The following MEI4 variants were observed in gnomAD, a reference collection of about 807,000 sequenced individuals.
MEI4 encodes the protein meiosis-specific protein MEI4.
MEI4 carries 27 observed loss-of-function variants against 31.4 expected under a neutral mutation model. The ratio of observed to expected loss-of-function variants is 0.86; its 90% CI spans 0.63 to 1.19. The LOEUF is 1.19. MEI4 is among the 50% of genes most tolerant of loss of function. MEI4 has a pLI of 0.00. For missense variants in MEI4, 329 were observed against 398.9 expected, an observed-to-expected ratio of 0.82 and a Z score of 1.49; for synonymous variants, 122 against 145.4, an observed-to-expected ratio of 0.84 and a Z score of 1.16.
chr6:77,702,395 G>A (rs1256644642), intron 2 of MEI4, among the ~76,000 whole-genome samples: 4 of 152,182 alleles, frequency 2.6e-5, no homozygotes, highest in Non-Finnish European at 5.9e-5. Context: ...AATATAAATT[G>A]TCTAATACAA....
intron 2 of MEI4, among the ~76,000 whole-genome samples, chr6:77,749,851 G>A (rs1394587787): frequency 6.6e-6 from 1 of 152,172 alleles, no homozygotes; most frequent in East Asian, 1.9e-4. Context: ...GGGAAAAAAT[G>A]TTAAGGGCAG....
intron 1 of MEI4, among the ~76,000 whole-genome samples, chr6:77,686,253 T>G (rs1372500266): frequency 1.3e-5 from 2 of 152,126 alleles, no homozygotes; most frequent in Non-Finnish European, 2.9e-5. Context: ...TTTATTGCAG[T>G]GCAAAATGGA....
At chr6:77,743,835 C>G (rs189293777) in intron 2 of MEI4, among the ~76,000 whole-genome samples, 1 of 152,190 alleles carries the variant, frequency 6.6e-6, no homozygotes, top group Non-Finnish European at 1.5e-5. Flanking sequence ...ATGCAGCCAC[C>G]GCTGCTGATA....
intron 4 of MEI4, among the ~76,000 whole-genome samples, chr6:77,850,256 G>T (rs1191691695): frequency 6.6e-6 from 1 of 152,080 alleles, no homozygotes; most frequent in Non-Finnish European, 1.5e-5. Context: ...AGCTACCAAT[G>T]ACTTTCTTCA....
chr6:77,841,866 A>T (rs1770374665), intron 4 of MEI4, among the ~76,000 whole-genome samples: 1 of 152,152 alleles, frequency 6.6e-6, no homozygotes, highest in African/African-American at 2.4e-5. Flanking sequence ...ATAATGAGAA[A>T]AGTGTCCATT....
intron 4 of MEI4, among the ~76,000 whole-genome samples, chr6:77,892,272 G>GC (rs1765979399): frequency 1.3e-5 from 2 of 152,164 alleles, no homozygotes; most frequent in Non-Finnish European, 2.9e-5. Context: ...CCTTTCCTCA[G>GC]GCTTCCCTGT....
intron 3 of MEI4, among the ~76,000 whole-genome samples, chr6:77,786,234 A>G (rs1339150604): frequency 1.3e-5 from 2 of 152,004 alleles, no homozygotes; most frequent in Admixed American, 1.3e-4. Context: ...ATATATATCA[A>G]ATTTTGAGTG....
intron 1 of MEI4, among the ~76,000 whole-genome samples, chr6:77,689,478 A>G (rs1362350113): frequency 6.6e-6 from 1 of 152,008 alleles, no homozygotes; most frequent in Admixed American, 6.6e-5. Context: ...GTGCCAAATT[A>G]CAGGATATCA....
intron 4 of MEI4, among the ~76,000 whole-genome samples, chr6:77,852,195 A>G (rs182222595): frequency 4.6e-5 from 7 of 152,320 alleles, no homozygotes; most frequent in Non-Finnish European, 1.0e-4. Flanking sequence ...TTAGAGGGTC[A>G]TGGGACGTGG....
At chr6:77,712,439 A>C (rs1225692635) in intron 2 of MEI4, among the ~76,000 whole-genome samples, 4 of 152,170 alleles carry the variant, frequency 2.6e-5, no homozygotes, top group Non-Finnish European at 5.9e-5. Flanking sequence ...ACTTTATGGC[A>C]TGAATATCAT....
At chr6:77,702,821 AT>A (rs1294284164) in intron 2 of MEI4, among the ~76,000 whole-genome samples, 1 of 152,100 alleles carries the variant, frequency 6.6e-6, no homozygotes, top group Admixed American at 6.6e-5. Context: ...TCTTCCACTT[AT>A]TTGAATGGAC....
intron 3 of MEI4, among the ~76,000 whole-genome samples, chr6:77,792,733 G>T (rs1462366205): frequency 2.0e-5 from 3 of 147,842 alleles, no homozygotes; most frequent in Admixed American, 2.0e-4. Context: ...TTTTTTTTTA[G>T]ACGGAGTCTC....
Position 77,853,266 on chromosome 6 carries a change from T to C in MEI4, c.900+24204T>C, listed in dbSNP as rs976529413. Among the ~76,000 whole-genome samples, 3 of 152,144 alleles carry C rather than the reference T, an allele frequency of 2.0e-5. No individual in the cohort carries two copies. In the East Asian group the frequency reaches 5.8e-4, roughly 29 times the overall value. On this transcript the variant is annotated intron_variant, in intron 4 of 4. Transcript: ENST00000684080. ...CATGGTTTTCTAATACCTAGAGCAT[T>C]GTGCCCTAGTGCATTATAGCTCATA...
At chr6:77,764,567 TAAAG>T (rs1197515148) in intron 3 of MEI4, among the ~76,000 whole-genome samples, 2 of 152,170 alleles carry the variant, frequency 1.3e-5, no homozygotes, top group Admixed American at 6.6e-5. Context: ...GAAAAATCAA[TAAAG>T]AAACAGCTGA....
chr6:77,913,068 T>C (rs1766466546), intron 4 of MEI4, among the ~76,000 whole-genome samples: 1 of 152,174 alleles, frequency 6.6e-6, no homozygotes, highest in South Asian at 2.1e-4. Context: ...ATTGAGATGA[T>C]CACATGGGTT....
intron 4 of MEI4, among the ~76,000 whole-genome samples, chr6:77,840,457 G>C (rs1309420399): frequency 1.3e-5 from 2 of 152,086 alleles, no homozygotes; most frequent in African/African-American, 4.8e-5. Context: ...ATGGTCAAAG[G>C]CTTTACAAAT....
chr6:77,653,081 C>G lies in MEI4; in HGVS notation c.-26C>G, dbSNP rs1768328213. Among the ~76,000 whole-genome samples the G allele has an allele frequency of 6.6e-6, 1 of 152,174 alleles. No individual in the cohort carries two copies. On this transcript the variant is annotated 5_prime_UTR_variant, in exon 1 of 5. Transcript: ENST00000684080. The stretch of plus-strand genomic sequence containing the variant: ...CCCTGTTATCATCTCATTTCTGCTT[C>G]TCTGTTTACTGGTGAGCTGGTTCTC...
At chr6:77,887,229 T>C (rs1356883795) in intron 4 of MEI4, among the ~76,000 whole-genome samples, 7 of 150,514 alleles carry the variant, frequency 4.7e-5, no homozygotes, top group Admixed American at 2.7e-4. Flanking sequence ...TGGTCATTCA[T>C]AGTCATTTTG....
chr6:77,840,973 T>G (rs1770342275), intron 4 of MEI4, among the ~76,000 whole-genome samples: 2 of 152,026 alleles, frequency 1.3e-5, no homozygotes, highest in South Asian at 4.1e-4. Context: ...ATTAACATAA[T>G]TCATTGTCAG....
Sources: allele counts gnomAD v4.1 joint callset (sites outside exome capture counted in the v4.1 genomes callset), GRCh38; gene constraint gnomAD v4.1.1; transcripts MANE v1.5; gene names NCBI Gene and HGNC (gene_info 2026-07-23, HGNC 2026-07-21).